The following RPS6KC1 variants were observed in gnomAD, a reference collection of about 807,000 sequenced individuals.
RPS6KC1 encodes the protein inactive ribosomal protein S6 kinase delta-1.
RPS6KC1 carries 54 observed loss-of-function variants against 103.8 expected under a neutral mutation model. The ratio of observed to expected loss-of-function variants is 0.52; its 90% CI spans 0.42 to 0.65. The LOEUF (loss-of-function observed/expected upper bound fraction) is 0.65, where lower values mean the gene tolerates loss of function less well. RPS6KC1 is among the 30% of genes least tolerant of loss of function. RPS6KC1 has a pLI of 0.00. For synonymous variants in RPS6KC1, 439 were observed against 438.7 expected (o/e 1.00, Z -0.01); for missense variants, 1,151 against 1,253.8 (o/e 0.92, Z 1.24).
chr1:213,695,228 G>A, the RPS6KC1 span, among the ~76,000 whole-genome samples: 72 of 152,346 alleles, frequency 4.7e-4, no homozygotes, highest in African/African-American at 1.7e-3. Flanking sequence ...AGTGAAAAAG[G>A]TCAGTGGTGT....
At chr1:213,613,017 G>A in the RPS6KC1 span, among the ~76,000 whole-genome samples, 7 of 152,162 alleles carry the variant, frequency 4.6e-5, no homozygotes, top group South Asian at 6.2e-4. Context: ...TTATGTCTGC[G>A]GGCATTGCAT....
At chr1:213,608,775 T>A in the RPS6KC1 span, among the ~76,000 whole-genome samples, 1 of 152,250 alleles carries the variant, frequency 6.6e-6, no homozygotes, top group Non-Finnish European at 1.5e-5. Context: ...ACTATATTAT[T>A]TTGTAACTTG....
At chr1:213,362,057 C>T in the RPS6KC1 span, among the ~76,000 whole-genome samples, 34 of 152,286 alleles carry the variant, frequency 2.2e-4, 1 homozygote, top group South Asian at 2.7e-3. Context: ...CCTTCACCTG[C>T]GGCTTGCTGT....
the RPS6KC1 span, among the ~76,000 whole-genome samples, chr1:213,416,517 A>G: frequency 6.6e-6 from 1 of 152,184 alleles, no homozygotes; most frequent in African/African-American, 2.4e-5. Context: ...GTGAAAGGGT[A>G]GCGTGAAAAT....
chr1:213,781,027 C>CA, the RPS6KC1 span, among the ~76,000 whole-genome samples: 1 of 151,970 alleles, frequency 6.6e-6, no homozygotes. Flanking sequence ...TGTCTTAACA[C>CA]AAAAAACAAA....
the RPS6KC1 span, among the ~76,000 whole-genome samples, chr1:213,641,761 T>C: frequency 6.6e-6 from 1 of 152,030 alleles, no homozygotes. Context: ...ACTTCTACAG[T>C]CACAGTGTGT....
the RPS6KC1 span, among the ~76,000 whole-genome samples, chr1:213,310,814 A>C: frequency 6.6e-5 from 10 of 152,366 alleles, no homozygotes; most frequent in Middle Eastern, 6.8e-3. Flanking sequence ...TTGTCTTAAA[A>C]TTCAGACTGT....
chr1:213,256,918 A>G (rs1342406588), intron 12 of RPS6KC1, among the ~76,000 whole-genome samples: 1 of 152,206 alleles, frequency 6.6e-6, no homozygotes, highest in Non-Finnish European at 1.5e-5. Flanking sequence ...TTGACTGTAG[A>G]GGTGATACGA....
chr1:213,169,787 T>G (rs1465304594), intron 7 of RPS6KC1, among the ~76,000 whole-genome samples: 2 of 148,870 alleles, frequency 1.3e-5, no homozygotes, highest in African/African-American at 2.5e-5. Context: ...TTAAGTTTTT[T>G]TTTTTTTTTT....
At chr1:213,271,751 G>A (rs1326099736) in intron 14 of RPS6KC1, among the ~76,000 whole-genome samples, 11 of 91,734 alleles carry the variant, frequency 1.2e-4, no homozygotes, top group South Asian at 4.3e-4. Context: ...GCGACAGAGC[G>A]AAACTCCGTC....
chr1:213,237,274 G>C (rs984857290), intron 10 of RPS6KC1, among the ~76,000 whole-genome samples: 5 of 152,076 alleles, frequency 3.3e-5, no homozygotes, highest in African/African-American at 1.2e-4. Flanking sequence ...ACCATTACTA[G>C]TGTGACTTTG....
chr1:213,446,271 C>T, the RPS6KC1 span, among the ~76,000 whole-genome samples: 2 of 152,142 alleles, frequency 1.3e-5, no homozygotes, highest in East Asian at 1.9e-4. Context: ...TTGCCCACAC[C>T]CCAGATTTCT....
At chr1:213,583,746 G>A in the RPS6KC1 span, among the ~76,000 whole-genome samples, 5 of 150,114 alleles carry the variant, frequency 3.3e-5, no homozygotes, top group African/African-American at 4.9e-5. Context: ...GCTTGAACCC[G>A]GGAGGTGGAG....
the RPS6KC1 span, among the ~76,000 whole-genome samples, chr1:213,837,595 A>G: frequency 6.6e-6 from 1 of 152,184 alleles, no homozygotes; most frequent in African/African-American, 2.4e-5. Context: ...GAGACACACA[A>G]GCAGAATTTA....
intron 3 of RPS6KC1, among the ~76,000 whole-genome samples, chr1:213,085,237 C>T (rs2080278271): frequency 6.6e-6 from 1 of 152,126 alleles, no homozygotes; most frequent in Admixed American, 6.6e-5. Flanking sequence ...AACTTCAAAC[C>T]TCCCTCTGTT....
the RPS6KC1 span, among the ~76,000 whole-genome samples, chr1:213,596,367 G>T: frequency 6.6e-6 from 1 of 152,174 alleles, no homozygotes; most frequent in Admixed American, 6.5e-5. Flanking sequence ...AGTAAAAGGT[G>T]GTTGTCCTCC....
At chr1:213,500,611 T>C in the RPS6KC1 span, among the ~76,000 whole-genome samples, 2 of 152,218 alleles carry the variant, frequency 1.3e-5, no homozygotes, top group Non-Finnish European at 2.9e-5. Flanking sequence ...TACACTGTTA[T>C]CACCACAAAC....
chr1:213,640,873 T>C, the RPS6KC1 span, among the ~76,000 whole-genome samples: 1 of 146,946 alleles, frequency 6.8e-6, no homozygotes, highest in Non-Finnish European at 1.5e-5. Flanking sequence ...TTTTTATTAA[T>C]AATTTTATCC....
At chr1:213,222,033 TC>T (rs2093846076) in intron 8 of RPS6KC1, among the ~76,000 whole-genome samples, 2 of 152,194 alleles carry the variant, frequency 1.3e-5, no homozygotes, top group Non-Finnish European at 2.9e-5. Flanking sequence ...AGTTGGTGAT[TC>T]TTGACTCTGC....
Sources: gnomAD v4.1 joint callset for allele counts (sites outside exome capture counted in the v4.1 genomes callset) on GRCh38, gnomAD v4.1.1 for gene constraint, MANE v1.5 for transcripts, NCBI Gene and HGNC (gene_info 2026-07-23, HGNC 2026-07-21) for gene names.